SPATS2: variants seen among roughly 807,000 people sequenced by gnomAD.
SPATS2 encodes the protein spermatogenesis associated serine rich 2.
Under a neutral mutation model 63.7 loss-of-function variants are expected in SPATS2, and 38 were observed. The observed-to-expected ratio is 0.60, with a 90% confidence interval of 0.46 to 0.78. The LOEUF is 0.78. Among genes scored for constraint, SPATS2 ranks in the 30% least tolerant of loss-of-function variants. SPATS2 has a pLI of 0.00. For synonymous variants in SPATS2, 207 were observed against 232.9 expected, an observed-to-expected ratio of 0.89 and a Z score of 1.01; for missense variants, 588 against 666.2, an observed-to-expected ratio of 0.88 and a Z score of 1.29.
intron 2 of SPATS2, among the ~76,000 whole-genome samples, chr12:49,439,991 G>GACATAA (rs1945387839): frequency 1.3e-5 from 2 of 152,096 alleles, no homozygotes; most frequent in Non-Finnish European, 2.9e-5. Context: ...GCAGCAATAG[G>GACATAA]TTTTTAACTT....
At chr12:49,485,122 A>C (rs1364871598) in intron 4 of SPATS2, among the ~76,000 whole-genome samples, 3 of 148,878 alleles carry the variant, frequency 2.0e-5, no homozygotes, top group Admixed American at 6.7e-5. Flanking sequence ...GCTGGAGTGC[A>C]GTGGCCGATC....
At chr12:49,495,034 C>G (rs780866631) in intron 7 of SPATS2, 32 bp downstream of exon 7, 1 of 1,505,862 alleles carries the variant, frequency 6.6e-7, no homozygotes, top group Non-Finnish European at 8.9e-7. Context: ...GAAAAAGTTG[C>G]ATTCAGTTGA....
intron 11 of SPATS2, among the ~76,000 whole-genome samples, chr12:49,521,260 A>C (rs939773057): frequency 2.0e-5 from 3 of 152,226 alleles, no homozygotes; most frequent in Admixed American, 6.5e-5. Flanking sequence ...CAGTCTCTCT[A>C]AAATAAAAAC....
chr12:49,519,959 C>T (rs1295912096), intron 11 of SPATS2, among the ~76,000 whole-genome samples: 3 of 151,674 alleles, frequency 2.0e-5, no homozygotes, highest in Admixed American at 6.6e-5. Context: ...GGATTACAGG[C>T]GCCTGCCACC....
chr12:49,454,547 C>T (rs1945684666), intron 2 of SPATS2, among the ~76,000 whole-genome samples: 2 of 152,154 alleles, frequency 1.3e-5, no homozygotes, highest in South Asian at 4.1e-4. Context: ...ACCCTCTCAC[C>T]AAAGCTTCAG....
chr12:49,525,636 T>G (rs1251702207), intron 13 of SPATS2, among the ~76,000 whole-genome samples: 1 of 151,736 alleles, frequency 6.6e-6, no homozygotes, highest in Admixed American at 6.6e-5. Context: ...TATAATATAC[T>G]TGTCCAATCG....
At chr12:49,495,741 A>G (rs1946454599) in intron 7 of SPATS2, among the ~76,000 whole-genome samples, 1 of 152,220 alleles carries the variant, frequency 6.6e-6, no homozygotes, top group African/African-American at 2.4e-5. Context: ...TAGAGACTAC[A>G]GAAGGTGACT....
At chr12:49,450,439 T>A (rs906093030) in intron 2 of SPATS2, among the ~76,000 whole-genome samples, 3 of 151,904 alleles carry the variant, frequency 2.0e-5, no homozygotes, top group African/African-American at 7.3e-5. Context: ...AGAGACGGGG[T>A]TTCACTGTGT....
At chr12:49,439,671 A>G (rs1322362580) in intron 2 of SPATS2, among the ~76,000 whole-genome samples, 1 of 152,204 alleles carries the variant, frequency 6.6e-6, no homozygotes, top group African/African-American at 2.4e-5. Context: ...GCTTTGGGTG[A>G]TGAATAAAAT....
intron 2 of SPATS2, among the ~76,000 whole-genome samples, chr12:49,397,833 T>A (rs1204238493): frequency 1.2e-5 from 1 of 82,336 alleles, no homozygotes; most frequent in African/African-American, 4.9e-5. Context: ...CTTAGCTCTT[T>A]AAAAAAAAAA....
intron 2 of SPATS2, among the ~76,000 whole-genome samples, chr12:49,373,786 G>A (rs540125309): frequency 1.2e-4 from 18 of 152,206 alleles, no homozygotes; most frequent in African/African-American, 4.1e-4. Context: ...TTGGCTGAGC[G>A]TGGTGGCATA....
chr12:49,485,627 G>T lies in SPATS2; in HGVS notation c.105+958G>T, dbSNP rs1946278680. On this transcript the variant is annotated intron_variant, in intron 4 of 13. Transcript: ENST00000552918. ...TCCACCCGCCTCAGCCTCCCAGAGT[G>T]CTAGGATAGTCACCACACCTGGCCA... Among the ~76,000 whole-genome samples, 4 of 152,164 alleles carry T rather than the reference G, an allele frequency of 2.6e-5. No individual in the cohort carries two copies. In the South Asian group the frequency reaches 8.3e-4, roughly 32 times the overall value.
At chr12:49,502,124 GAACA>G (rs1946576565) in intron 9 of SPATS2, among the ~76,000 whole-genome samples, 1 of 152,112 alleles carries the variant, frequency 6.6e-6, no homozygotes, top group African/African-American at 2.4e-5. Flanking sequence ...TTCATGAAAA[GAACA>G]AACCATACAT....
chr12:49,511,043 A>T (rs1362872008), intron 9 of SPATS2, among the ~76,000 whole-genome samples: 1 of 152,146 alleles, frequency 6.6e-6, no homozygotes, highest in African/African-American at 2.4e-5. Context: ...TCTGCTAAAA[A>T]TAGAAAAATT....
chr12:49,462,983 G>A (rs896358105), intron 3 of SPATS2: 3 of 152,606 alleles, frequency 2.0e-5, no homozygotes, highest in African/African-American at 7.2e-5. Flanking sequence ...TTGGCTTGAG[G>A]GTGGCGTTTT....
chr12:49,479,348 A>C (rs1354821194), intron 3 of SPATS2, among the ~76,000 whole-genome samples: 2 of 152,196 alleles, frequency 1.3e-5, no homozygotes, highest in Non-Finnish European at 2.9e-5. Context: ...TCCTGCTGCC[A>C]TTCATAGCAC....
chr12:49,428,485 T>A (rs1945123933), intron 2 of SPATS2, among the ~76,000 whole-genome samples: 1 of 152,220 alleles, frequency 6.6e-6, no homozygotes, highest in Non-Finnish European at 1.5e-5. Flanking sequence ...TTTGGTAAAA[T>A]TTGACTAGTC....
In SPATS2 at chr12:49,492,759, A is replaced by G. The variant is rs184824861; in HGVS notation, c.265-1982A>G. Among the ~76,000 whole-genome samples, 73 of 152,252 alleles carry G rather than the reference A, an allele frequency of 4.8e-4. No individual in the cohort carries two copies. The South Asian group carries it at 0.012, about 26-fold the overall frequency. On this transcript the variant is annotated intron_variant, in intron 6 of 13. Transcript: ENST00000552918. ...GGATAGTTATGATATACATGACCCAATGATATGAAAACTTAGCCAGTTCAC... is the reference window on the plus strand; with the variant it reads ...GGATAGTTATGATATACATGACCCAGTGATATGAAAACTTAGCCAGTTCAC...
At chr12:49,385,234 G>A (rs1481912629) in intron 2 of SPATS2, among the ~76,000 whole-genome samples, 1 of 151,110 alleles carries the variant, frequency 6.6e-6, no homozygotes, top group Non-Finnish European at 1.5e-5. Context: ...GATATTAAGC[G>A]AAGGAGTGAA....
Sources: gnomAD v4.1 joint callset for allele counts (sites outside exome capture counted in the v4.1 genomes callset) on GRCh38, gnomAD v4.1.1 for gene constraint, MANE v1.5 for transcripts, NCBI Gene and HGNC (gene_info 2026-07-23, HGNC 2026-07-21) for gene names.